Variants in AKR1B1 observed in about 807,000 individuals in gnomAD.
AKR1B1 encodes the protein aldo-keto reductase family 1 member B1.
Under a neutral mutation model 40.4 loss-of-function variants are expected in AKR1B1, and 22 were observed. The ratio of observed to expected loss-of-function variants is 0.54; its 90% CI spans 0.39 to 0.78. AKR1B1 has a LOEUF of 0.78. Ranked by LOEUF, AKR1B1 falls within the 30% of genes least tolerant of loss-of-function variation. The pLI is 0.00. For synonymous variants in AKR1B1, 157 were observed against 149.9 expected, an observed-to-expected ratio of 1.05 and a Z score of -0.35; for missense variants, 357 against 396.7, an observed-to-expected ratio of 0.90 and a Z score of 0.85.
At chr7:134,451,383 G>A (rs1806282096) in intron 2 of AKR1B1, 2 of 675,590 alleles carry the variant, frequency 3.0e-6, no homozygotes, top group Non-Finnish European at 5.3e-6. Flanking sequence ...TAAGCAATGG[G>A]CCCAGATGGA....
chr7:134,450,999 C>T (rs2734649), intron 2 of AKR1B1, 97 bp from the exon 3 acceptor site: 677,113 of 948,518 alleles, frequency 0.71, 244,968 homozygotes, highest in East Asian at 0.93. Context: ...AACCCATTTG[C>T]TTTACCATGA....
chr7:134,444,859 C>A, intron 9 of AKR1B1: 1 of 348,294 alleles, frequency 2.9e-6, no homozygotes, highest in Non-Finnish European at 5.5e-6. Flanking sequence ...CGACCAAACC[C>A]CTTTCATTAG....
intron 3 of AKR1B1, among the ~76,000 whole-genome samples, chr7:134,450,383 C>T (rs918647337): frequency 2.0e-5 from 3 of 152,136 alleles, no homozygotes; most frequent in Admixed American, 6.5e-5. Context: ...GCATGTAGAA[C>T]GTGGGTAGGG....
In AKR1B1 at chr7:134,450,792, G is replaced by A. The variant is rs1185296955; in HGVS notation, c.345C>T (p.Gly115=). 1 of 1,613,638 alleles carries A rather than the reference G, an allele frequency of 6.2e-7. No homozygotes were observed. The highest frequency in any genetic ancestry group is 8.5e-7 in the Non-Finnish European group (1 of 1,179,788). The change falls in exon 3 of 10, where the codon GGC becomes GGT. Residue 115 remains glycine, a synonymous_variant. Transcript: ENST00000285930. ...LDLYLIHWPT[G]FKPGKEFFPL... Reference sequence around the variant, plus strand: ...TGCACCAGGCATCCCATACCTTAAAGCCAGTCGGCCAGTGAATAAGGTAGA... The same window carrying A: ...TGCACCAGGCATCCCATACCTTAAAACCAGTCGGCCAGTGAATAAGGTAGA...
rs201909884 is a variant in AKR1B1 at position 134,450,932 on chromosome 7, T to C, written c.235-30A>G. ...GCCAGCGAGAGGGCACATGTCATCA[T>C]TGCCAGCCACAAGGCAGCTTCCTGG... On this transcript the variant is annotated intron_variant, in intron 2 of 9. Coordinates refer to ENST00000285930, the MANE Select transcript of AKR1B1 (RefSeq NM_001628.4). The C allele has an allele frequency of 6.5e-5, 103 of 1,577,768 alleles. No individual in the cohort carries two copies. In the African/African-American group the frequency reaches 1.0e-3, roughly 15 times the overall value.
chr7:134,445,353 T>G, intron 8 of AKR1B1, 33 bp from the exon 9 acceptor site: 2 of 1,572,734 alleles, frequency 1.3e-6, no homozygotes, highest in Non-Finnish European at 1.7e-6. Flanking sequence ...CAGTAAGCTC[T>G]GCAAATAAAA....
intron 1 of AKR1B1, among the ~76,000 whole-genome samples, chr7:134,455,798 G>C (rs1806451770): frequency 6.6e-6 from 1 of 152,112 alleles, no homozygotes; most frequent in South Asian, 2.1e-4. Flanking sequence ...TGGCCAGCTG[G>C]TCTCGAACTC....
intron 7 of AKR1B1, 70 bp downstream of exon 7, chr7:134,447,910 C>T (rs1806152558): frequency 6.6e-6 from 9 of 1,368,166 alleles, no homozygotes; most frequent in Non-Finnish European, 8.2e-6. Flanking sequence ...TCACTTCCTC[C>T]TCTTGGCTAA....
At chr7:134,455,525 C>T (rs530078825) in intron 1 of AKR1B1, among the ~76,000 whole-genome samples, 56 of 152,306 alleles carry the variant, frequency 3.7e-4, no homozygotes, top group Admixed American at 7.8e-4. Flanking sequence ...GGGCACCAGA[C>T]ATCATCTCTG....
chr7:134,449,032 T>C lies in AKR1B1; in HGVS notation c.517A>G (p.Lys173Glu). Reference protein sequence around the residue: ...NHLQVEMILNKPGLKYKPAVN... With the variant: ...NHLQVEMILNEPGLKYKPAVN... ...GCAGGCTTATACTTCAAGCCAGGTTTGTTTAAGATCATCTCCACCTGGAGA... is the reference window on the plus strand; with the variant it reads ...GCAGGCTTATACTTCAAGCCAGGTTCGTTTAAGATCATCTCCACCTGGAGA... Residue 173 changes from lysine to glutamate, a missense_variant, in exon 5 of 10, where the codon AAA (lysine) becomes GAA (glutamate). Transcript: ENST00000285930. 1 of 1,614,154 alleles carries C rather than the reference T, an allele frequency of 6.2e-7. No individual in the cohort carries two copies. The highest frequency in any genetic ancestry group is 8.5e-7 in the Non-Finnish European group (1 of 1,180,010).
intron 1 of AKR1B1, among the ~76,000 whole-genome samples, chr7:134,453,911 G>A (rs10273906): frequency 0.017 from 2,548 of 152,262 alleles, 72 homozygotes; most frequent in African/African-American, 0.058. Context: ...TTAAGCTATG[G>A]TGAGAAACCA....
chr7:134,448,551 C>T (rs1225616975), intron 5 of AKR1B1, 58 bp from the exon 6 acceptor site: 1 of 1,306,198 alleles, frequency 7.7e-7, no homozygotes, highest in Non-Finnish European at 1.1e-6. Context: ...TGATGGGACA[C>T]AGATGAAGCT....
chr7:134,453,745 T>G (rs1320397055), intron 1 of AKR1B1, among the ~76,000 whole-genome samples: 1 of 152,158 alleles, frequency 6.6e-6, no homozygotes, highest in Admixed American at 6.5e-5. Context: ...TGGAGACATG[T>G]GTGCTGGGAG....
intron 9 of AKR1B1, among the ~76,000 whole-genome samples, chr7:134,443,105 T>G (rs909055116): frequency 6.6e-6 from 1 of 152,210 alleles, no homozygotes; most frequent in African/African-American, 2.4e-5. Context: ...TATTTTGTGG[T>G]CTTAAACATC....
intron 1 of AKR1B1, among the ~76,000 whole-genome samples, chr7:134,452,296 A>G (rs971458153): frequency 3.3e-5 from 5 of 152,182 alleles, no homozygotes; most frequent in Non-Finnish European, 7.3e-5. Context: ...AGTTAAGCAC[A>G]TCACTGATGT....
At chr7:134,444,859 C>G in intron 9 of AKR1B1, 2 of 348,294 alleles carry the variant, frequency 5.7e-6, no homozygotes, top group South Asian at 5.4e-5. Context: ...CGACCAAACC[C>G]CTTTCATTAG....
intron 2 of AKR1B1, 88 bp from the exon 3 acceptor site, chr7:134,450,990 A>C: frequency 4.7e-6 from 5 of 1,065,576 alleles, no homozygotes; most frequent in Non-Finnish European, 7.2e-6. Flanking sequence ...TCTCCCCAAA[A>C]CCCATTTGCT....
At position 134,442,597 on chromosome 7, in the gene AKR1B1, G is replaced by A. The variant is rs1030468797; in HGVS notation, c.*131C>T. The A allele has an allele frequency of 2.1e-5, 16 of 777,676 alleles. No individual in the cohort carries two copies. Among genetic ancestry groups the A allele is most frequent in the Middle Eastern group, 2.7e-4 (1 of 3,672 alleles). The allele number at this position is 777,676 out of a possible 1,614,324, so 48.2% of individuals were successfully genotyped here. ...TGAGATCCAACATCAAGCTAGACAC[G>A]CCCTCGCTGGCCACTCTACAGGTTG... On this transcript the variant is annotated 3_prime_UTR_variant, in exon 10 of 10. Coordinates refer to ENST00000285930, the MANE Select transcript of AKR1B1 (RefSeq NM_001628.4).
chr7:134,450,098 G>A (rs1206888927), intron 3 of AKR1B1, among the ~76,000 whole-genome samples: 1 of 152,198 alleles, frequency 6.6e-6, no homozygotes, highest in African/African-American at 2.4e-5. Flanking sequence ...CCAAGGCCTG[G>A]CGGGTCACTG....
Sources: allele counts gnomAD v4.1 joint callset (sites outside exome capture counted in the v4.1 genomes callset), GRCh38; gene constraint gnomAD v4.1.1; transcripts MANE v1.5; gene names NCBI Gene and HGNC (gene_info 2026-07-23, HGNC 2026-07-21).